The following ATRNL1 variants were observed in gnomAD, a reference collection of about 807,000 sequenced individuals.
ATRNL1 encodes the protein attractin-like protein 1.
In ATRNL1, 95 loss-of-function variants were observed where a neutral mutation model predicts 182.7. The ratio of observed to expected loss-of-function variants is 0.52; its 90% CI spans 0.44 to 0.62. The LOEUF (loss-of-function observed/expected upper bound fraction) is 0.62. Among genes scored for constraint, ATRNL1 ranks in the 20% least tolerant of loss-of-function variants. The pLI, the probability that ATRNL1 is intolerant of heterozygous loss-of-function variation, is 0.00. For missense variants in ATRNL1, 1,471 were observed against 1,679.5 expected (o/e 0.88, Z 2.17); for synonymous variants, 576 against 568.3 (o/e 1.01, Z -0.19).
chr10:115,897,776 G>A (rs937021549), intron 28 of ATRNL1, among the ~76,000 whole-genome samples: 5 of 152,102 alleles, frequency 3.3e-5, no homozygotes, highest in African/African-American at 1.2e-4. Context: ...AACACAGTGC[G>A]GATCATAACC....
chr10:115,268,092 T>A (rs1265785071), intron 12 of ATRNL1, among the ~76,000 whole-genome samples: 3 of 152,068 alleles, frequency 2.0e-5, no homozygotes, highest in Admixed American at 6.6e-5. Flanking sequence ...GTCTGTAGGA[T>A]CCTTGTATAT....
intron 9 of ATRNL1, among the ~76,000 whole-genome samples, chr10:115,218,872 A>G (rs1429962493): frequency 1.3e-5 from 2 of 152,220 alleles, no homozygotes; most frequent in African/African-American, 4.8e-5. Context: ...AAATCTCTGC[A>G]GTAGCCCTTG....
At chr10:115,506,573 T>C (rs2133655107) in intron 24 of ATRNL1, among the ~76,000 whole-genome samples, 1 of 152,186 alleles carries the variant, frequency 6.6e-6, no homozygotes, top group East Asian at 1.9e-4. Flanking sequence ...GCAAATGAGC[T>C]CAAACTCCAT....
chr10:115,365,926 G>C (rs1233805765), intron 19 of ATRNL1, among the ~76,000 whole-genome samples: 3 of 152,162 alleles, frequency 2.0e-5, no homozygotes, highest in East Asian at 1.9e-4. Flanking sequence ...TTGCTGAGGA[G>C]AGCTTTACTT....
At chr10:115,158,846 A>G (rs1046760341) in intron 5 of ATRNL1, among the ~76,000 whole-genome samples, 3 of 151,968 alleles carry the variant, frequency 2.0e-5, no homozygotes, top group Non-Finnish European at 4.4e-5. Flanking sequence ...TGTGTTGACA[A>G]TTTAAAGTTG....
chr10:115,206,658 C>T (rs2144347795), intron 8 of ATRNL1, among the ~76,000 whole-genome samples: 1 of 152,106 alleles, frequency 6.6e-6, no homozygotes, highest in Admixed American at 6.6e-5. Context: ...TCTCTTTATT[C>T]ATCTGTATAA....
At chr10:115,742,131 G>A (rs1389651315) in intron 27 of ATRNL1, among the ~76,000 whole-genome samples, 4 of 152,160 alleles carry the variant, frequency 2.6e-5, no homozygotes, top group Non-Finnish European at 5.9e-5. Context: ...GTGTGAAGAT[G>A]AGAAAGTGGA....
At chr10:115,194,005 G>A (rs1296448906) in intron 8 of ATRNL1, among the ~76,000 whole-genome samples, 1 of 151,880 alleles carries the variant, frequency 6.6e-6, no homozygotes, top group Admixed American at 6.6e-5. Context: ...AGTTTTCAAA[G>A]TTCCTCCTGC....
chr10:115,817,305 C>T (rs1242837571), intron 27 of ATRNL1, among the ~76,000 whole-genome samples: 1 of 152,006 alleles, frequency 6.6e-6, no homozygotes, highest in African/African-American at 2.4e-5. Flanking sequence ...GGAAAAAAAT[C>T]ATGAAATTAT....
chr10:115,468,778 TCA>T (rs1329139968), intron 23 of ATRNL1, among the ~76,000 whole-genome samples: 23 of 150,798 alleles, frequency 1.5e-4, no homozygotes, highest in African/African-American at 5.6e-4. Context: ...CAGAATGAGC[TCA>T]GTTTCTAGAG....
At chr10:115,229,301 T>A (rs1849829161) in intron 9 of ATRNL1, among the ~76,000 whole-genome samples, 2 of 152,170 alleles carry the variant, frequency 1.3e-5, no homozygotes, top group South Asian at 4.1e-4. Flanking sequence ...GAAATTATTT[T>A]TTTTTGTGAT....
At chr10:115,446,832 TG>T (rs1847023849) in intron 21 of ATRNL1, among the ~76,000 whole-genome samples, 1 of 151,952 alleles carries the variant, frequency 6.6e-6, no homozygotes, top group Admixed American at 6.6e-5. Flanking sequence ...TATATAAAAT[TG>T]GGAAATTAAT....
chr10:115,285,579 A>T (rs546137979), intron 14 of ATRNL1, among the ~76,000 whole-genome samples: 159 of 152,220 alleles, frequency 1.0e-3, no homozygotes, highest in African/African-American at 3.8e-3. Context: ...TTCAATTTGG[A>T]TTCTATAGAT....
chr10:115,258,750 G>T (rs1449565263), intron 10 of ATRNL1, among the ~76,000 whole-genome samples: 1 of 152,136 alleles, frequency 6.6e-6, no homozygotes, highest in Non-Finnish European at 1.5e-5. Context: ...CATCTTTGTG[G>T]TTTTATCTAC....
chr10:115,328,357 A>T (rs915791783), intron 18 of ATRNL1, among the ~76,000 whole-genome samples: 1 of 152,148 alleles, frequency 6.6e-6, no homozygotes, highest in African/African-American at 2.4e-5. Flanking sequence ...TAATACAGGT[A>T]TATGTTGTAT....
chr10:115,132,891 C>A (rs1845320480), intron 5 of ATRNL1, among the ~76,000 whole-genome samples: 1 of 152,174 alleles, frequency 6.6e-6, no homozygotes, highest in South Asian at 2.1e-4. Context: ...TGCGTTTTCA[C>A]TCTGATGGTA....
At chr10:115,535,756 A>G (rs1043618489) in intron 25 of ATRNL1, among the ~76,000 whole-genome samples, 46 of 152,106 alleles carry the variant, frequency 3.0e-4, no homozygotes, top group African/African-American at 1.0e-3. Context: ...CTTTTGGTCT[A>G]TGATGATGGT....
chr10:115,270,293 TTATA>T (rs1356547221), intron 13 of ATRNL1, among the ~76,000 whole-genome samples: 3 of 143,778 alleles, frequency 2.1e-5, no homozygotes, highest in African/African-American at 5.2e-5. Flanking sequence ...AAACATTTGT[TTATA>T]TATTTGTTTA....
At chr10:115,828,250 G>C (rs1461442318) in intron 27 of ATRNL1, among the ~76,000 whole-genome samples, 3 of 152,098 alleles carry the variant, frequency 2.0e-5, no homozygotes, top group African/African-American at 7.2e-5. Context: ...CTGGGAGCCA[G>C]AGGTTGCGGT....
Sources: allele counts gnomAD v4.1 joint callset (sites outside exome capture counted in the v4.1 genomes callset), GRCh38; gene constraint gnomAD v4.1.1; transcripts MANE v1.5; gene names NCBI Gene and HGNC (gene_info 2026-07-23, HGNC 2026-07-21).